The following FMO5 variants were observed in gnomAD, a reference collection of about 807,000 sequenced individuals.
The protein encoded by FMO5 is flavin containing dimethylaniline monoxygenase 5.
A neutral mutation model predicts 43.6 loss-of-function variants in FMO5; 51 were observed. The ratio of observed to expected loss-of-function variants is 1.17; its 90% CI spans 0.93 to 1.48. The LOEUF (loss-of-function observed/expected upper bound fraction) is 1.48. Ranked by LOEUF, FMO5 falls within the 40% of genes most tolerant of loss-of-function variation. The pLI is 0.00. For missense variants in FMO5, 644 were observed against 643.0 expected, an observed-to-expected ratio of 1.00 and a Z score of -0.02; for synonymous variants, 187 against 216.5, an observed-to-expected ratio of 0.86 and a Z score of 1.20.
At chr1:147,206,587 A>G (rs1454638837) in intron 6 of FMO5, among the ~76,000 whole-genome samples, 4 of 152,220 alleles carry the variant, frequency 2.6e-5, no homozygotes, top group Admixed American at 1.3e-4. Flanking sequence ...GCAGCCATAA[A>G]AAATGATGAG....
intron 7 of FMO5, among the ~76,000 whole-genome samples, chr1:147,198,850 C>CAAAAAA (rs151035141): frequency 3.7e-4 from 19 of 51,700 alleles, no homozygotes; most frequent in South Asian, 2.0e-3. Flanking sequence ...GACTGCATCT[C>CAAAAAA]AAAAAAAAAA....
At chr1:147,204,759 G>T in intron 6 of FMO5, 1 of 1,545,760 alleles carries the variant, frequency 6.5e-7, no homozygotes, top group Admixed American at 1.7e-5. Context: ...TCTCCAAGTG[G>T]TTGATAACCA....
intron 6 of FMO5, chr1:147,204,909 A>G: frequency 6.3e-7 from 1 of 1,577,648 alleles, no homozygotes; most frequent in Non-Finnish European, 8.7e-7. Flanking sequence ...CGAAGCCCGG[A>G]GCCTTGGGAA....
chr1:147,204,127 A>C, intron 6 of FMO5: 6 of 1,045,980 alleles, frequency 5.7e-6, no homozygotes, highest in Non-Finnish European at 9.1e-6. Context: ...CTTCTCCCTT[A>C]CTTAAATTCA....
Position 147,187,144 on chromosome 1 carries a change from GC to G in FMO5, c.1357del (p.Ala453ProfsTer47). 1.2e-6 allele frequency: 2 copies of G among 1,614,120 alleles called. No homozygotes were observed. Among genetic ancestry groups the G allele is most frequent in the African/African-American group, 2.7e-5 (2 of 75,024 alleles). On this transcript the variant is annotated frameshift_variant, in exon 9 of 9. Transcript: ENST00000254090. LOFTEE classifies it low-confidence loss of function (END_TRUNC). The part of the protein sequence containing the change: ...VGVRPNLLSL[A>X]FTDPKLALHL... ...TAATGCCAGCTTGGGGTCAGTGAAG[GC>G]CAGAGACAGCAGATTGGGCCTGACC...
intron 7 of FMO5, among the ~76,000 whole-genome samples, chr1:147,196,374 G>C (rs587721006): frequency 1.2e-4 from 18 of 152,104 alleles, no homozygotes; most frequent in African/African-American, 4.1e-4. Context: ...TAAGCGTTTT[G>C]AGAGTCAATT....
At chr1:147,213,099 A>G (rs1402853848) in intron 4 of FMO5, among the ~76,000 whole-genome samples, 1 of 152,174 alleles carries the variant, frequency 6.6e-6, no homozygotes, top group Non-Finnish European at 1.5e-5. Context: ...TTGTAAAACT[A>G]AATAGACTGC....
chr1:147,193,092 T>C (rs1657218340), intron 7 of FMO5, among the ~76,000 whole-genome samples: 1 of 152,176 alleles, frequency 6.6e-6, no homozygotes, highest in South Asian at 2.1e-4. Context: ...TGGTACCAGC[T>C]CCTCTTTGTA....
chr1:147,215,666 T>G, intron 3 of FMO5, 88 bp downstream of exon 3: 1 of 964,092 alleles, frequency 1.0e-6, no homozygotes, highest in Non-Finnish European at 1.6e-6. Flanking sequence ...AAGCCAATCT[T>G]TAGAAGTAAA....
At chr1:147,188,271 C>A (rs1367520096) in intron 8 of FMO5, among the ~76,000 whole-genome samples, 1 of 152,024 alleles carries the variant, frequency 6.6e-6, no homozygotes, top group Non-Finnish European at 1.5e-5. Context: ...GCCTGTAATC[C>A]TAGCACTTTG....
intron 2 of FMO5, among the ~76,000 whole-genome samples, chr1:147,217,576 C>T (rs1285075287): frequency 6.6e-6 from 1 of 152,156 alleles, no homozygotes; most frequent in East Asian, 1.9e-4. Flanking sequence ...ATTTTTATTG[C>T]TTAATTATTC....
intron 8 of FMO5, among the ~76,000 whole-genome samples, chr1:147,189,520 A>ATGAT (rs1656287394): frequency 6.6e-6 from 1 of 152,172 alleles, no homozygotes; most frequent in South Asian, 2.1e-4. Flanking sequence ...TAGGCCTGGA[A>ATGAT]TGATTGTGTC....
At position 147,225,002 on chromosome 1, in the gene FMO5, C is replaced by T. The variant is rs150343605; in HGVS notation, c.28G>A (p.Gly10Arg). The change falls in exon 2 of 9, where the codon GGG (glycine) becomes AGG (arginine). Residue 10 changes from glycine (G) to arginine (R), a missense_variant. Gly to Arg is a moderately radical substitution (Grantham distance 125, BLOSUM62 -2). Coordinates refer to ENST00000254090, the MANE Select transcript of FMO5 (RefSeq NM_001461.4). MTKKRIAVI[G>R]GGVSGLSSIK... ...GAAGAGAGCCCGCTCACTCCTCCCCCAATCACAGCAATTCTTTTCTTAGTC... is the reference window on the plus strand; with the variant it reads ...GAAGAGAGCCCGCTCACTCCTCCCCTAATCACAGCAATTCTTTTCTTAGTC... The T allele has an allele frequency of 3.7e-6, 6 of 1,613,948 alleles. No individual in the cohort carries two copies. In the African/African-American group the frequency reaches 8.0e-5, roughly 22 times the overall value.
At chr1:147,223,288 T>C (rs916390412) in intron 2 of FMO5, among the ~76,000 whole-genome samples, 13 of 152,204 alleles carry the variant, frequency 8.5e-5, no homozygotes, top group Admixed American at 6.5e-5. Context: ...GATACACGTA[T>C]GCAGGTCAGC....
intron 7 of FMO5, among the ~76,000 whole-genome samples, chr1:147,196,374 G>A (rs587721006): frequency 6.6e-6 from 1 of 151,986 alleles, no homozygotes; most frequent in East Asian, 1.9e-4. Context: ...TAAGCGTTTT[G>A]AGAGTCAATT....
At chr1:147,218,479 G>A (rs750207763) in intron 2 of FMO5, among the ~76,000 whole-genome samples, 9 of 151,706 alleles carry the variant, frequency 5.9e-5, no homozygotes, top group Admixed American at 1.3e-4. Context: ...CTCGTGATCC[G>A]CCCGCCTCAG....
At chr1:147,207,687 G>C (rs1553922733) in intron 6 of FMO5, among the ~76,000 whole-genome samples, 1 of 152,184 alleles carries the variant, frequency 6.6e-6, no homozygotes. Flanking sequence ...CATCTTAGAA[G>C]TTAATCTACC....
intron 3 of FMO5, among the ~76,000 whole-genome samples, chr1:147,214,414 G>A (rs1239799557): frequency 1.3e-5 from 2 of 150,334 alleles, no homozygotes; most frequent in Non-Finnish European, 2.9e-5. Context: ...TCGTGTCACT[G>A]TACTCCAGCC....
chr1:147,202,733 T>G (rs1374198662), intron 6 of FMO5, among the ~76,000 whole-genome samples: 1 of 152,224 alleles, frequency 6.6e-6, no homozygotes, highest in Non-Finnish European at 1.5e-5. Flanking sequence ...CATTTAGTTA[T>G]GCTTTGACAC....
Sources: gnomAD v4.1 joint callset for allele counts (sites outside exome capture counted in the v4.1 genomes callset) on GRCh38, gnomAD v4.1.1 for gene constraint, MANE v1.5 for transcripts, NCBI Gene and HGNC (gene_info 2026-07-23, HGNC 2026-07-21) for gene names.